The following CADM2 variants were observed in gnomAD, a reference collection of about 807,000 sequenced individuals.
The protein encoded by CADM2 is immunoglobulin superfamily member 4D.
CADM2 carries 12 observed loss-of-function variants against 49.8 expected under a neutral mutation model. That is an observed-to-expected ratio of 0.24 (90% confidence interval 0.15 to 0.39). The LOEUF is 0.39. Ranked by LOEUF, CADM2 falls within the 10% of genes least tolerant of loss-of-function variation. The pLI, the probability that CADM2 is intolerant of heterozygous loss-of-function variation, is 1.00. For synonymous variants in CADM2, 214 were observed against 175.4 expected (o/e 1.22, Z -1.74); for missense variants, 378 against 492.3 (o/e 0.77, Z 2.20).
At chr3:85,265,043 C>G (rs2043092116) in intron 1 of CADM2, among the ~76,000 whole-genome samples, 1 of 151,902 alleles carries the variant, frequency 6.6e-6, no homozygotes, top group Non-Finnish European at 1.5e-5. Flanking sequence ...ATGTAAAGCT[C>G]TTAGAACAAC....
At chr3:84,977,097 T>C (rs2031867060) in intron 1 of CADM2, among the ~76,000 whole-genome samples, 1 of 151,868 alleles carries the variant, frequency 6.6e-6, no homozygotes, top group African/African-American at 2.4e-5. Flanking sequence ...ATAAAAGCAA[T>C]AGGATAATAA....
At chr3:85,729,790 AT>A (rs138343740) in intron 2 of CADM2, among the ~76,000 whole-genome samples, 1,635 of 152,274 alleles carry the variant, frequency 0.011, 16 homozygotes, top group Middle Eastern at 0.044. Context: ...CTTGCTTAGA[AT>A]CAAAAGAGAA....
At chr3:85,718,326 C>A (rs756096475) in intron 1 of CADM2, among the ~76,000 whole-genome samples, 1 of 152,078 alleles carries the variant, frequency 6.6e-6, no homozygotes, top group Non-Finnish European at 1.5e-5. Context: ...TCAAAGATTG[C>A]CCGTGTACTT....
intron 1 of CADM2, among the ~76,000 whole-genome samples, chr3:85,573,224 C>T (rs1425745375): frequency 6.0e-5 from 2 of 33,180 alleles, no homozygotes; most frequent in East Asian, 2.1e-3. Flanking sequence ...GGCAAGGTCT[C>T]GCCTGTTGCC....
chr3:85,150,620 T>G (rs1398264946), intron 1 of CADM2, among the ~76,000 whole-genome samples: 2 of 152,038 alleles, frequency 1.3e-5, no homozygotes, highest in Admixed American at 1.3e-4. Flanking sequence ...GAAAGTCATT[T>G]GGGGCTGGGC....
intron 1 of CADM2, among the ~76,000 whole-genome samples, chr3:85,305,051 T>A (rs2044182189): frequency 6.6e-6 from 1 of 151,686 alleles, no homozygotes; most frequent in Admixed American, 6.6e-5. Context: ...CCATTATTTA[T>A]TTTAGTCTCC....
intron 5 of CADM2, among the ~76,000 whole-genome samples, chr3:85,889,652 A>G (rs1008011959): frequency 6.6e-6 from 1 of 152,178 alleles, no homozygotes; most frequent in Non-Finnish European, 1.5e-5. Flanking sequence ...GTATAAAATG[A>G]TATGTATGAA....
chr3:85,284,947 T>C (rs756186445), intron 1 of CADM2, among the ~76,000 whole-genome samples: 15 of 152,166 alleles, frequency 9.9e-5, no homozygotes, highest in South Asian at 2.1e-4. Context: ...AGCAGATCGA[T>C]TGGTAGCCTA....
At chr3:85,743,600 A>T (rs1193020753) in intron 2 of CADM2, among the ~76,000 whole-genome samples, 1 of 152,124 alleles carries the variant, frequency 6.6e-6, no homozygotes, top group Non-Finnish European at 1.5e-5. Flanking sequence ...AATCTATCCA[A>T]TTCAGACAGT....
At chr3:85,296,833 G>C (rs931369598) in intron 1 of CADM2, among the ~76,000 whole-genome samples, 1 of 151,978 alleles carries the variant, frequency 6.6e-6, no homozygotes, top group Admixed American at 6.6e-5. Context: ...CTTATCTTTT[G>C]AATACAAGTT....
intron 1 of CADM2, among the ~76,000 whole-genome samples, chr3:85,088,724 A>G (rs974983103): frequency 1.3e-5 from 2 of 152,192 alleles, no homozygotes; most frequent in African/African-American, 4.8e-5. Context: ...TTATTTAACA[A>G]AACTAAGATA....
intron 1 of CADM2, among the ~76,000 whole-genome samples, chr3:85,650,290 T>A (rs1392861223): frequency 6.6e-6 from 1 of 152,170 alleles, no homozygotes; most frequent in Non-Finnish European, 1.5e-5. Context: ...TGACAAATGT[T>A]GTGAGTAGAT....
intron 1 of CADM2, among the ~76,000 whole-genome samples, chr3:85,186,691 C>G (rs1576070686): frequency 6.6e-6 from 1 of 151,826 alleles, no homozygotes; most frequent in African/African-American, 2.4e-5. Flanking sequence ...CAATAGTAGT[C>G]TCTCCCAGTC....
At chr3:85,721,408 C>G (rs1312420671) in intron 1 of CADM2, among the ~76,000 whole-genome samples, 1 of 152,138 alleles carries the variant, frequency 6.6e-6, no homozygotes, top group Non-Finnish European at 1.5e-5. Flanking sequence ...CTCAGGCCTG[C>G]TGGGCTCATT....
intron 1 of CADM2, among the ~76,000 whole-genome samples, chr3:85,302,573 CATGTAT>C (rs1269973138): frequency 6.6e-6 from 1 of 152,016 alleles, no homozygotes; most frequent in Non-Finnish European, 1.5e-5. Context: ...TCATTACGAT[CATGTAT>C]TTATATGTGT....
chr3:85,718,459 T>C (rs2067375828), intron 1 of CADM2, among the ~76,000 whole-genome samples: 1 of 152,210 alleles, frequency 6.6e-6, no homozygotes. Flanking sequence ...GTTTAAGTTC[T>C]ATTCTTGGCT....
intron 8 of CADM2, among the ~76,000 whole-genome samples, chr3:86,009,107 G>A (rs1193114915): frequency 7.0e-6 from 1 of 143,410 alleles, no homozygotes; most frequent in African/African-American, 2.6e-5. Context: ...GTGTGTGTGT[G>A]TATAAATATA....
intron 1 of CADM2, among the ~76,000 whole-genome samples, chr3:85,711,667 TA>T (rs2067122893): frequency 6.6e-6 from 1 of 152,182 alleles, no homozygotes; most frequent in Admixed American, 6.5e-5. Flanking sequence ...CAAGTGAAGA[TA>T]AAACTGTTTT....
At chr3:85,613,577 C>T (rs894496606) in intron 1 of CADM2, among the ~76,000 whole-genome samples, 7 of 151,522 alleles carry the variant, frequency 4.6e-5, no homozygotes, top group Non-Finnish European at 7.4e-5. Context: ...TACCAGGGTT[C>T]ACGAGGCAGA....
Sources: allele counts gnomAD v4.1 joint callset (sites outside exome capture counted in the v4.1 genomes callset), GRCh38; gene constraint gnomAD v4.1.1; transcripts MANE v1.5; gene names NCBI Gene and HGNC (gene_info 2026-07-23, HGNC 2026-07-21).